Variants in SLC20A1 observed in about 807,000 individuals in gnomAD.
SLC20A1 encodes the protein sodium-dependent phosphate transporter 1.
A neutral mutation model predicts 62.7 loss-of-function variants in SLC20A1; 28 were observed. The observed-to-expected ratio is 0.45, with a 90% CI of 0.33 to 0.61. The LOEUF (loss-of-function observed/expected upper bound fraction) is 0.61. Ranked by LOEUF, SLC20A1 falls within the 20% of genes least tolerant of loss-of-function variation. The pLI, the probability that SLC20A1 is intolerant of heterozygous loss-of-function variation, is 0.02. For missense variants in SLC20A1, 673 were observed against 838.6 expected, an observed-to-expected ratio of 0.80 and a Z score of 2.44; for synonymous variants, 305 against 302.9, an observed-to-expected ratio of 1.01 and a Z score of -0.07.
intron 8 of SLC20A1, 108 bp downstream of exon 8, chr2:112,659,870 A>G: frequency 1.2e-6 from 1 of 839,588 alleles, no homozygotes; most frequent in Non-Finnish European, 1.9e-6. Context: ...CAGGACCCCA[A>G]ATAATACAAA....
rs772296878 is a variant in SLC20A1 at position 112,662,836 on chromosome 2, C to T, written c.1879-28C>T. On this transcript the variant is annotated intron_variant, in intron 10 of 10. Transcript: ENST00000272542. ...AGAATACCACTGGCACTTCAATAAC[C>T]TGTTTCCTTGGTCTGCTTCTCTTCT... 4 of 1,610,580 alleles carry T rather than the reference C, an allele frequency of 2.5e-6. No individual in the cohort carries two copies. The African/African-American group carries it at 4.0e-5, about 16-fold the overall frequency.
chr2:112,660,265 C>T, intron 8 of SLC20A1, 122 bp from the exon 9 acceptor site: 1 of 826,856 alleles, frequency 1.2e-6, no homozygotes, highest in East Asian at 2.5e-5. Flanking sequence ...AAGAAAGGCC[C>T]TTTTGCCAGA....
chr2:112,653,075 C>T, intron 5 of SLC20A1: 1 of 617,938 alleles, frequency 1.6e-6, no homozygotes, highest in Admixed American at 2.9e-5. Flanking sequence ...TCCCTTTCTC[C>T]TGTCTATGCT....
In SLC20A1 at chr2:112,659,566, G is replaced by A. The variant is rs772919182; in HGVS notation, c.1411G>A (p.Val471Met). 10 of 1,614,108 alleles carry A rather than the reference G, an allele frequency of 6.2e-6. No homozygotes were observed. The African/African-American group carries it at 1.3e-4, about 22-fold the overall frequency. ...CAGTTACACCAGTTACTGCAATGCT[G>A]TGTCTGACCTTCACTCAGCATCTGA... Reference protein sequence around the residue: ...MDSYTSYCNAVSDLHSASEID... With the variant: ...MDSYTSYCNAMSDLHSASEID... Residue 471 changes from valine to methionine, a missense_variant, in exon 8 of 11, where the codon GTG becomes ATG. Val to Met is a conservative substitution (Grantham distance 21, BLOSUM62 1). Coordinates refer to ENST00000272542, the MANE Select transcript of SLC20A1 (RefSeq NM_005415.5).
In SLC20A1 at chr2:112,654,413, A is replaced by G. The variant is rs1359565791; in HGVS notation, c.658+1615A>G. Among the ~76,000 whole-genome samples the G allele has an allele frequency of 2.2e-4, 34 of 152,160 alleles. 1 individual carries two copies. The highest frequency in any genetic ancestry group is 1.5e-5 in the Non-Finnish European group (1 of 68,032). ...AATTAGAATCATTTTAAAAACAGAA[A>G]CTTAGATATTTTCGTTGTGTCCTTT... On this transcript the variant is annotated intron_variant, in intron 5 of 10. Coordinates refer to ENST00000272542, the MANE Select transcript of SLC20A1 (RefSeq NM_005415.5).
intron 7 of SLC20A1, 52 bp downstream of exon 7, chr2:112,659,146 T>C (rs369469720): frequency 1.2e-6 from 2 of 1,606,652 alleles, no homozygotes; most frequent in Non-Finnish European, 1.7e-6. Flanking sequence ...GTGAGGAGGC[T>C]TATTGTTTTG....
intron 4 of SLC20A1, among the ~76,000 whole-genome samples, chr2:112,651,459 G>T (rs1686433414): frequency 1.3e-5 from 2 of 151,658 alleles, no homozygotes; most frequent in South Asian, 4.1e-4. Context: ...GCTGGAGTGA[G>T]GTGGCCCAGT....
chr2:112,659,770 G>T lies in SLC20A1; in HGVS notation c.1607+8G>T, dbSNP rs1478381741. The T allele has an allele frequency of 1.9e-6, 3 of 1,603,410 alleles. No individual in the cohort carries two copies. The highest frequency in any genetic ancestry group is 2.7e-5 in the African/African-American group (2 of 74,636). On this transcript the variant is annotated splice_region_variant and intron_variant, in intron 8 of 10. Transcript: ENST00000272542. ...TGGTGGCAATGACGTAAGGTCAGTT[G>T]ACATTGATCTTAGTGTTGCTAACCC...
chr2:112,661,183 T>C lies in SLC20A1; in HGVS notation c.1835T>C (p.Ile612Thr), dbSNP rs552104775. ...IELASALTVV[I>T]ASNIGLPIST... ...CTGGCATCTGCCCTCACTGTGGTGA[T>C]TGCATCAAATATTGGCCTTCCCATC... The change falls in exon 10 of 11, where the codon ATT becomes ACT. Residue 612 changes from isoleucine (I) to threonine (T), a missense_variant. Coordinates refer to ENST00000272542, the MANE Select transcript of SLC20A1 (RefSeq NM_005415.5). 40 of 1,614,094 alleles carry C rather than the reference T, an allele frequency of 2.5e-5. 1 individual carries two copies. In the African/African-American group the frequency reaches 3.9e-4, roughly 16 times the overall value.
intron 6 of SLC20A1, among the ~76,000 whole-genome samples, chr2:112,658,190 T>C (rs1686647770): frequency 6.6e-6 from 1 of 152,154 alleles, no homozygotes; most frequent in African/African-American, 2.4e-5. Context: ...TTAGTCAGTC[T>C]GTAGTTTGAC....
intron 4 of SLC20A1, among the ~76,000 whole-genome samples, chr2:112,650,562 C>A (rs180991511): frequency 1.5e-4 from 23 of 151,972 alleles, no homozygotes; most frequent in Non-Finnish European, 2.6e-4. Flanking sequence ...AACTCCTGAC[C>A]TCAGGTGCTC....
chr2:112,657,870 CAT>C (rs1486751172), intron 6 of SLC20A1, among the ~76,000 whole-genome samples: 2 of 152,234 alleles, frequency 1.3e-5, no homozygotes, highest in African/African-American at 2.4e-5. Flanking sequence ...ACCACACACT[CAT>C]GTAATTAAAT....
intron 4 of SLC20A1, 68 bp downstream of exon 4, chr2:112,647,806 C>G: frequency 1.6e-6 from 2 of 1,275,444 alleles, no homozygotes; most frequent in South Asian, 2.4e-5. Flanking sequence ...CCCAGTGGTA[C>G]TTTTGCAGAT....
At chr2:112,651,430 G>T (rs1383531724) in intron 4 of SLC20A1, among the ~76,000 whole-genome samples, 13 of 150,788 alleles carry the variant, frequency 8.6e-5, no homozygotes, top group African/African-American at 2.9e-4. Flanking sequence ...CTGAGATGGA[G>T]TCTTACTCTG....
chr2:112,660,620 AG>A, intron 9 of SLC20A1, 48 bp downstream of exon 9: 1 of 1,533,836 alleles, frequency 6.5e-7, no homozygotes, highest in East Asian at 2.3e-5. Flanking sequence ...CATTTTTTTC[AG>A]AGATATAACA....
chr2:112,647,002 C>T lies in SLC20A1; in HGVS notation c.174C>T (p.Thr58=), dbSNP rs569442838. 3.1e-6 allele frequency: 5 copies of T among 1,613,994 alleles called. No individual in the cohort carries two copies. The African/African-American group carries it at 6.7e-5, about 22-fold the overall frequency. Residue 58 remains threonine (T), a synonymous_variant, in exon 2 of 11, where the codon ACC becomes ACT. Transcript: ENST00000272542. ...CAGCTGTGGGCTCAGGTGTAGTGAC[C>T]CTGAAGCAAGCCTGCATCCTAGCTA... ...FGTAVGSGVV[T]LKQACILASI... is the part of the protein sequence containing the mutation.
intron 4 of SLC20A1, among the ~76,000 whole-genome samples, chr2:112,648,154 G>A (rs1451442065): frequency 1.3e-5 from 2 of 152,072 alleles, no homozygotes; most frequent in Admixed American, 1.3e-4. Flanking sequence ...TCTCTGCCGT[G>A]CTGATTATCA....
intron 4 of SLC20A1, 36 bp downstream of exon 4, chr2:112,647,774 A>G: frequency 6.7e-7 from 1 of 1,499,866 alleles, no homozygotes; most frequent in Non-Finnish European, 9.3e-7. Context: ...CCTTTCATGG[A>G]GCACACCCAA....
In SLC20A1 at chr2:112,661,206, A is replaced by G. The variant is rs1686740270; in HGVS notation, c.1858A>G (p.Ile620Val). ...GATTGCATCAAATATTGGCCTTCCC[A>G]TCAGTACAACACATTGTAAAGTAAG... ...VVIASNIGLP[I>V]STTHCKVGSV... is the part of the protein sequence containing the mutation. Residue 620 changes from isoleucine (I) to valine (V), a missense_variant, in exon 10 of 11, where the codon ATC (isoleucine) becomes GTC (valine). By Grantham distance (29) the Ile-to-Val change is conservative. Coordinates refer to ENST00000272542, the MANE Select transcript of SLC20A1 (RefSeq NM_005415.5). The G allele has an allele frequency of 6.2e-7, 1 of 1,613,692 alleles. No individual in the cohort carries two copies. The highest frequency in any genetic ancestry group is 1.3e-5 in the African/African-American group (1 of 75,068).
Sources: allele counts gnomAD v4.1 joint callset (sites outside exome capture counted in the v4.1 genomes callset), GRCh38; gene constraint gnomAD v4.1.1; transcripts MANE v1.5; gene names NCBI Gene and HGNC (gene_info 2026-07-23, HGNC 2026-07-21).